The following FGD4 variants were observed in gnomAD, a reference collection of about 807,000 sequenced individuals.
FGD4 encodes the protein FYVE, RhoGEF and PH domain-containing protein 4.
FGD4 carries 42 observed loss-of-function variants against 102.0 expected under a neutral mutation model. The observed-to-expected ratio is 0.41, with a 90% CI of 0.32 to 0.53. The LOEUF (loss-of-function observed/expected upper bound fraction) is 0.53. Ranked by LOEUF, FGD4 falls within the 20% of genes least tolerant of loss-of-function variation. The pLI, the probability that FGD4 is intolerant of heterozygous loss-of-function variation, is 0.21. For synonymous variants in FGD4, 380 were observed against 375.7 expected (o/e 1.01, Z -0.13); for missense variants, 902 against 1,078.2 (o/e 0.84, Z 2.29).
chr12:32,570,761 C>T (rs1235499669), intron 2 of FGD4, among the ~76,000 whole-genome samples: 1 of 152,016 alleles, frequency 6.6e-6, no homozygotes, highest in Non-Finnish European at 1.5e-5. Flanking sequence ...GATTGTTATT[C>T]CTTTCTTCCT....
chr12:32,534,899 G>T (rs1049805553), intron 1 of FGD4, among the ~76,000 whole-genome samples: 1 of 152,214 alleles, frequency 6.6e-6, no homozygotes, highest in Non-Finnish European at 1.5e-5. Flanking sequence ...ACTGCACGGA[G>T]CATTGTTCTG....
intron 1 of FGD4, among the ~76,000 whole-genome samples, chr12:32,412,252 T>C (rs1941238850): frequency 6.6e-6 from 1 of 152,236 alleles, no homozygotes; most frequent in African/African-American, 2.4e-5. Context: ...TAGAAAGATC[T>C]GATTAGGTCT....
chr12:32,561,924 G>A (rs972475815), intron 1 of FGD4, among the ~76,000 whole-genome samples: 5 of 152,224 alleles, frequency 3.3e-5, no homozygotes, highest in African/African-American at 1.2e-4. Flanking sequence ...TCCTTTCTTT[G>A]GAAAACATGG....
intron 1 of FGD4, among the ~76,000 whole-genome samples, chr12:32,470,728 ACAGG>A (rs1157044595): frequency 6.6e-6 from 1 of 152,114 alleles, no homozygotes; most frequent in African/African-American, 2.4e-5. Flanking sequence ...TGCTGGGATT[ACAGG>A]CGTGAGCCGC....
rs1479907915 is a variant in FGD4, at chr12:32,582,191, CACTCTTAGCTCAGATACTTCT to C, written c.737_757del (p.Thr246_Ser252del). On this transcript the variant is annotated inframe_deletion, in exon 4 of 17. Coordinates refer to ENST00000534526, the MANE Select transcript of FGD4 (RefSeq NM_001370298.3). ...TGGAATGTGAGGAGGAGAAAGCTGC[CACTCTTAGCTCAGATACTTCT>C]ATTCAAGCTTCTGAACCCTTGCTTG... 1 of 1,614,192 alleles carries C rather than the reference CACTCTTAGCTCAGATACTTCT, an allele frequency of 6.2e-7. No individual in the cohort carries two copies. Among genetic ancestry groups the C allele is most frequent in the South Asian group, 1.1e-5 (1 of 91,082 alleles).
intron 1 of FGD4, among the ~76,000 whole-genome samples, chr12:32,501,334 A>T (rs1278740107): frequency 6.6e-6 from 1 of 152,164 alleles, no homozygotes; most frequent in Non-Finnish European, 1.5e-5. Flanking sequence ...GTTTACCTCT[A>T]ATAGTTGGTT....
At chr12:32,498,752 A>C (rs142559972) in intron 1 of FGD4, among the ~76,000 whole-genome samples, 78 of 152,222 alleles carry the variant, frequency 5.1e-4, no homozygotes, top group African/African-American at 1.7e-3. Context: ...ACAGGCGCAC[A>C]CCACCATGCC....
intron 1 of FGD4, among the ~76,000 whole-genome samples, chr12:32,488,809 C>T (rs1200029846): frequency 1.3e-5 from 2 of 152,028 alleles, no homozygotes; most frequent in Non-Finnish European, 2.9e-5. Flanking sequence ...CGTGGTGGCG[C>T]ATGCCTGTAG....
At chr12:32,525,842 A>G (rs181237576) in intron 1 of FGD4, among the ~76,000 whole-genome samples, 1,747 of 152,290 alleles carry the variant, frequency 0.011, 20 homozygotes, top group African/African-American at 0.031. Context: ...GGGTGTACTG[A>G]GTCCCCCAGC....
chr12:32,432,050 C>CTT (rs1565736625), intron 1 of FGD4, among the ~76,000 whole-genome samples: 5 of 117,586 alleles, frequency 4.3e-5, no homozygotes, highest in African/African-American at 1.4e-4. Context: ...GTAATCCTAG[C>CTT]ATTTTTTTTT....
chr12:32,574,107 C>T (rs1945922559), intron 2 of FGD4, among the ~76,000 whole-genome samples: 1 of 152,248 alleles, frequency 6.6e-6, no homozygotes, highest in African/African-American at 2.4e-5. Context: ...AAGAGGTGGA[C>T]ACAATTTAGA....
intron 1 of FGD4, among the ~76,000 whole-genome samples, chr12:32,409,818 A>G (rs1008853520): frequency 2.6e-5 from 4 of 152,178 alleles, no homozygotes; most frequent in Non-Finnish European, 5.9e-5. Flanking sequence ...TAGACTAGTC[A>G]TGCATTGATC....
chr12:32,623,368 T>G (rs1470875459), intron 11 of FGD4, among the ~76,000 whole-genome samples: 1 of 152,158 alleles, frequency 6.6e-6, no homozygotes, highest in Non-Finnish European at 1.5e-5. Flanking sequence ...AAATTTTTTT[T>G]TTATTTTGAG....
intron 1 of FGD4, among the ~76,000 whole-genome samples, chr12:32,485,685 C>T (rs902131589): frequency 2.6e-5 from 4 of 151,942 alleles, no homozygotes; most frequent in Admixed American, 6.6e-5. Context: ...ACCTCGTGAC[C>T]CACCCGCCTA....
intron 1 of FGD4, among the ~76,000 whole-genome samples, chr12:32,525,107 C>G (rs1941005588): frequency 6.6e-6 from 1 of 152,152 alleles, no homozygotes; most frequent in South Asian, 2.1e-4. Context: ...CTATGCCTCC[C>G]CACCAGAGGT....
chr12:32,572,173 A>G (rs1023243790), intron 2 of FGD4, among the ~76,000 whole-genome samples: 2 of 152,166 alleles, frequency 1.3e-5, no homozygotes, highest in African/African-American at 4.8e-5. Flanking sequence ...TCCAATAGAC[A>G]TGTTGTTTTC....
At position 32,625,690 on chromosome 12, in the gene FGD4, C is replaced by T. The variant is rs899737461; in HGVS notation, c.2083C>T (p.Arg695Ter). The part of the protein sequence containing the change: ...ELGKRAPRWI[R>*]DNEVTMCMKC... ...AGGGAAAAGAGCCCCAAGATGGATC[C>T]GAGATAATGAAGTGACAATGTGTAT... Residue 695 changes from arginine to a stop codon, truncating the protein, a stop_gained, in exon 14 of 17, where the codon CGA (arginine) becomes TGA (stop). Coordinates refer to ENST00000534526, the MANE Select transcript of FGD4 (RefSeq NM_001370298.3). LOFTEE classifies it high-confidence loss of function. The T allele has an allele frequency of 1.2e-6, 2 of 1,613,428 alleles. No individual in the cohort carries two copies. Among genetic ancestry groups the T allele is most frequent in the Non-Finnish European group, 1.7e-6 (2 of 1,179,938 alleles).
chr12:32,584,177 G>T (rs1308719846), intron 4 of FGD4, among the ~76,000 whole-genome samples: 1 of 152,190 alleles, frequency 6.6e-6, no homozygotes, highest in Admixed American at 6.5e-5. Flanking sequence ...CATGCTGTAT[G>T]TGGGAAGAAA....
chr12:32,400,054 C>A, intron 1 of FGD4, 95 bp downstream of exon 1: 1 of 1,387,512 alleles, frequency 7.2e-7, no homozygotes, highest in Non-Finnish European at 9.3e-7. Flanking sequence ...CTCTCGTCCC[C>A]CGCTGCGGAG....
Sources: gnomAD v4.1 joint callset for allele counts (sites outside exome capture counted in the v4.1 genomes callset) on GRCh38, gnomAD v4.1.1 for gene constraint, MANE v1.5 for transcripts, NCBI Gene and HGNC (gene_info 2026-07-23, HGNC 2026-07-21) for gene names.